Variants in RSPO2 observed in about 807,000 individuals in gnomAD.
RSPO2 encodes the protein R-spondin 2, also known as R-spondin-2.
A neutral mutation model predicts 30.9 loss-of-function variants in RSPO2; 14 were observed. That is an observed-to-expected ratio of 0.45 (90% CI 0.30 to 0.71). RSPO2 has a LOEUF of 0.71. Among genes scored for constraint, RSPO2 ranks in the 30% least tolerant of loss-of-function variants. RSPO2 has a pLI of 0.08. For missense variants in RSPO2, 264 were observed against 301.9 expected (o/e 0.87, Z 0.93); for synonymous variants, 107 against 96.4 (o/e 1.11, Z -0.64).
At chr8:108,032,695 A>C (rs560189459) in intron 2 of RSPO2, among the ~76,000 whole-genome samples, 1 of 152,186 alleles carries the variant, frequency 6.6e-6, no homozygotes, top group Admixed American at 6.5e-5. Flanking sequence ...CAGTAGTGTC[A>C]TCATAGCTCA....
chr8:107,964,611 T>C (rs1456957109), intron 3 of RSPO2, among the ~76,000 whole-genome samples: 1 of 152,122 alleles, frequency 6.6e-6, no homozygotes, highest in African/African-American at 2.4e-5. Flanking sequence ...TTCACAGCCC[T>C]TGATGACCTT....
chr8:108,072,876 G>A (rs1812902350), intron 2 of RSPO2, among the ~76,000 whole-genome samples: 1 of 152,100 alleles, frequency 6.6e-6, no homozygotes, highest in South Asian at 2.1e-4. Flanking sequence ...CAATTAATTG[G>A]GAAGTATTAA....
chr8:107,916,506 AAC>A (rs767255003), intron 5 of RSPO2, among the ~76,000 whole-genome samples: 21 of 152,218 alleles, frequency 1.4e-4, no homozygotes, highest in Admixed American at 1.3e-4. Flanking sequence ...CTACTGGAGA[AAC>A]AGTTTTACAT....
At chr8:107,976,741 T>C (rs1408652331) in intron 3 of RSPO2, among the ~76,000 whole-genome samples, 1 of 152,040 alleles carries the variant, frequency 6.6e-6, no homozygotes, top group East Asian at 1.9e-4. Context: ...AAGAAGGGAG[T>C]CTGGCTGCAC....
At chr8:108,032,577 C>T (rs1424713377) in intron 2 of RSPO2, among the ~76,000 whole-genome samples, 1 of 152,096 alleles carries the variant, frequency 6.6e-6, no homozygotes, top group Non-Finnish European at 1.5e-5. Flanking sequence ...ATCAACCTCC[C>T]CCTACCAACC....
intron 2 of RSPO2, 34 bp downstream of exon 2, chr8:108,082,511 G>C: frequency 6.4e-7 from 1 of 1,556,826 alleles, no homozygotes; most frequent in East Asian, 2.2e-5. Flanking sequence ...CACCCCTGAA[G>C]CCCACCACGC....
chr8:108,066,493 A>G (rs759309050), intron 2 of RSPO2, among the ~76,000 whole-genome samples: 29 of 152,130 alleles, frequency 1.9e-4, no homozygotes, highest in Non-Finnish European at 3.7e-4. Context: ...TGCAGTAAGC[A>G]GAAACTGTTG....
chr8:108,014,629 G>C (rs1227744900), intron 2 of RSPO2, among the ~76,000 whole-genome samples: 1 of 152,016 alleles, frequency 6.6e-6, no homozygotes, highest in Admixed American at 6.6e-5. Flanking sequence ...TCATTCATAA[G>C]TGGGAGTTGA....
chr8:108,048,072 A>G (rs1445599562), intron 2 of RSPO2, among the ~76,000 whole-genome samples: 4 of 152,084 alleles, frequency 2.6e-5, no homozygotes, highest in African/African-American at 9.7e-5. Flanking sequence ...AGGTATTGCT[A>G]TTGAATCCTC....
At chr8:108,080,212 A>G (rs1415796015) in intron 2 of RSPO2, among the ~76,000 whole-genome samples, 1 of 152,216 alleles carries the variant, frequency 6.6e-6, no homozygotes, top group Non-Finnish European at 1.5e-5. Context: ...CAGCCCTTTA[A>G]GTAGTTCCAC....
At chr8:107,966,897 A>G (rs1813825297) in intron 3 of RSPO2, among the ~76,000 whole-genome samples, 1 of 152,120 alleles carries the variant, frequency 6.6e-6, no homozygotes, top group South Asian at 2.1e-4. Context: ...AGTAGAAGGA[A>G]CCTCAAACAC....
At position 107,938,664 on chromosome 8, in the gene RSPO2, A is replaced by T. The variant is rs560626984; in HGVS notation, c.616+19416T>A. ...CAAGAGGCATATAACCTCTGAGGAG[A>T]CAGGTGACAGATGTGCCTTTGCACC... On this transcript the variant is annotated intron_variant, in intron 5 of 5. Coordinates refer to ENST00000276659, the MANE Select transcript of RSPO2 (RefSeq NM_178565.5). 2.6e-5 allele frequency among the ~76,000 whole-genome samples: 4 copies of T among 152,320 alleles called. No individual in the cohort carries two copies. The South Asian group carries it at 8.3e-4, about 32-fold the overall frequency.
intron 2 of RSPO2, among the ~76,000 whole-genome samples, chr8:108,047,343 G>A (rs2443776): frequency 0.71 from 107,724 of 152,154 alleles, 38,556 homozygotes; most frequent in Middle Eastern, 0.75. Flanking sequence ...TATGCAAGGA[G>A]ACTCTGGGGA....
chr8:108,031,534 A>G (rs958052165), intron 2 of RSPO2, among the ~76,000 whole-genome samples: 2 of 152,250 alleles, frequency 1.3e-5, no homozygotes, highest in Non-Finnish European at 1.5e-5. Flanking sequence ...CTCTTTCAAG[A>G]TAAGATAAAC....
In RSPO2 at chr8:107,904,173, T is replaced by A. The variant is rs188365364; in HGVS notation, c.617-2983A>T. Reference sequence around the variant, plus strand: ...TTTCTTTACCTCTGTGGATGCGGGATTAGACTTGGAGAATGACTTCTAGAC... The same window carrying A: ...TTTCTTTACCTCTGTGGATGCGGGAATAGACTTGGAGAATGACTTCTAGAC... On this transcript the variant is annotated intron_variant, in intron 5 of 5. Transcript: ENST00000276659. 1.1e-4 allele frequency among the ~76,000 whole-genome samples: 16 copies of A among 152,164 alleles called. No individual in the cohort carries two copies. In the East Asian group the frequency reaches 2.9e-3, roughly 28 times the overall value.
chr8:108,038,814 G>A (rs758606612), intron 2 of RSPO2, among the ~76,000 whole-genome samples: 9 of 151,542 alleles, frequency 5.9e-5, no homozygotes, highest in Admixed American at 1.3e-4. Context: ...TGTTTATTTC[G>A]ACATAAGGCT....
chr8:107,906,784 T>C (rs192718608), intron 5 of RSPO2, among the ~76,000 whole-genome samples: 60 of 152,090 alleles, frequency 3.9e-4, no homozygotes, highest in Admixed American at 1.1e-3. Flanking sequence ...ACACATTTAT[T>C]TTAGTTGACA....
At chr8:107,963,083 G>T (rs1813682040) in intron 3 of RSPO2, among the ~76,000 whole-genome samples, 1 of 152,046 alleles carries the variant, frequency 6.6e-6, no homozygotes, top group South Asian at 2.1e-4. Flanking sequence ...ACTTCTTCAG[G>T]TATAAATCAT....
At chr8:108,003,008 G>A (rs1815299845) in intron 2 of RSPO2, among the ~76,000 whole-genome samples, 4 of 150,626 alleles carry the variant, frequency 2.7e-5, no homozygotes, top group Admixed American at 2.7e-4. Flanking sequence ...AAATCAGAAT[G>A]ATTACTGAAT....
Sources: gnomAD v4.1 joint callset for allele counts (sites outside exome capture counted in the v4.1 genomes callset) on GRCh38, gnomAD v4.1.1 for gene constraint, MANE v1.5 for transcripts, NCBI Gene and HGNC (gene_info 2026-07-23, HGNC 2026-07-21) for gene names.